Variants in H2BC7 observed in about 807,000 individuals in gnomAD.
H2BC7 encodes the protein histone H2B type 1-C/E/F/G/I.
In H2BC7, 15 loss-of-function variants were observed where a neutral mutation model predicts 6.0. That is an observed-to-expected ratio of 2.48 (90% CI 1.66 to 3.82). H2BC7 has a LOEUF of 3.82. H2BC7 is among the 30% of genes most tolerant of loss of function. The pLI is 0.00. For synonymous variants in H2BC7, 148 were observed against 70.7 expected (o/e 2.09, Z -5.49); for missense variants, 227 against 169.4 (o/e 1.34, Z -1.89).
chr6:26,199,622 G>C lies in H2BC7; in HGVS notation c.64G>C (p.Ala22Pro). 6.2e-7 allele frequency: 1 copy of C among 1,614,248 alleles called. No homozygotes were observed. The highest frequency in any genetic ancestry group is 8.5e-7 in the Non-Finnish European group (1 of 1,180,044). Residue 22 changes from alanine (A) to proline (P), a missense_variant, in exon 1 of 1, where the codon GCG becomes CCG. By Grantham distance (27) the Ala-to-Pro change is conservative. Coordinates refer to ENST00000356530, the MANE Select transcript of H2BC7 (RefSeq NM_003522.4). ...GGGCTCCAAAAAGGCGGTGACCAAGGCGCAGAAGAAGGATGGTAAGAAGCG... is the reference window on the plus strand; with the variant it reads ...GGGCTCCAAAAAGGCGGTGACCAAGCCGCAGAAGAAGGATGGTAAGAAGCG... ...KKGSKKAVTK[A>P]QKKDGKKRKR...
rs755243235 is a variant in H2BC7, at chr6:26,199,932, C to T, written c.374C>T (p.Ser125Phe). 3 of 1,614,204 alleles carry T rather than the reference C, an allele frequency of 1.9e-6. No individual in the cohort carries two copies. Among genetic ancestry groups the T allele is most frequent in the South Asian group, 2.2e-5 (2 of 91,090 alleles). The part of the protein sequence containing the change: ...GTKAVTKYTS[S>F]K ...AAGGCCGTCACCAAGTACACCAGCTCTAAGTAATTCTAACGTCTTCATACC... is the reference window on the plus strand; with the variant it reads ...AAGGCCGTCACCAAGTACACCAGCTTTAAGTAATTCTAACGTCTTCATACC... Residue 125 changes from serine to phenylalanine, a missense_variant, in exon 1 of 1, where the codon TCT becomes TTT. Ser to Phe is a radical substitution (Grantham distance 155). Coordinates refer to ENST00000356530, the MANE Select transcript of H2BC7 (RefSeq NM_003522.4).
chr6:26,199,735 C>A lies in H2BC7; in HGVS notation c.177C>A (p.Ala59=), dbSNP rs201280849. 2.0e-5 allele frequency: 33 copies of A among 1,614,264 alleles called. No homozygotes were observed. In the African/African-American group the frequency reaches 3.9e-4, roughly 19 times the overall value. Residue 59 remains alanine (A), a synonymous_variant, in exon 1 of 1, where the codon GCC becomes GCA. Coordinates refer to ENST00000356530, the MANE Select transcript of H2BC7 (RefSeq NM_003522.4). ...VHPDTGISSK[A]MGIMNSFVND... ...CCGACACCGGCATCTCATCCAAGGC[C>A]ATGGGCATCATGAACTCCTTCGTCA... is the stretch of plus-strand genomic sequence containing the variant.
Position 26,199,780 on chromosome 6 carries a change from C to A in H2BC7, c.222C>A (p.Ile74=). 6.2e-7 allele frequency: 1 copy of A among 1,614,250 alleles called. No individual in the cohort carries two copies. Among genetic ancestry groups the A allele is most frequent in the Non-Finnish European group, 8.5e-7 (1 of 1,180,044 alleles). Residue 74 remains isoleucine (I), a synonymous_variant, in exon 1 of 1, where the codon ATC becomes ATA. Transcript: ENST00000356530. ...NSFVNDIFER[I]AGEASRLAHY... ...TCGTCAACGATATCTTCGAGCGCAT[C>A]GCTGGCGAGGCTTCCCGCCTGGCGC... is the stretch of plus-strand genomic sequence containing the variant.
Position 26,199,794 on chromosome 6 carries a change from C to A in H2BC7, c.236C>A (p.Ser79Tyr). The A allele has an allele frequency of 6.2e-7, 1 of 1,614,254 alleles. No individual in the cohort carries two copies. Among genetic ancestry groups the A allele is most frequent in the Non-Finnish European group, 8.5e-7 (1 of 1,180,044 alleles). Reference protein sequence around the residue: ...DIFERIAGEASRLAHYNKRST... With the variant: ...DIFERIAGEAYRLAHYNKRST... ...TTCGAGCGCATCGCTGGCGAGGCTT[C>A]CCGCCTGGCGCATTACAACAAGCGC... The change falls in exon 1 of 1, where the codon TCC becomes TAC. Residue 79 changes from serine to tyrosine, a missense_variant. Ser to Tyr is a moderately radical substitution (Grantham distance 144, BLOSUM62 -2). Coordinates refer to ENST00000356530, the MANE Select transcript of H2BC7 (RefSeq NM_003522.4).
rs1581452086 is a variant in H2BC7 at position 26,199,714 on chromosome 6, C to T, written c.156C>T (p.Asp52=). 1 of 1,614,268 alleles carries T rather than the reference C, an allele frequency of 6.2e-7. No individual in the cohort carries two copies. The highest frequency in any genetic ancestry group is 8.5e-7 in the Non-Finnish European group (1 of 1,180,048). ...AGGTGCTAAAGCAGGTCCACCCCGA[C>T]ACCGGCATCTCATCCAAGGCCATGG... ...VYKVLKQVHP[D]TGISSKAMGI... Residue 52 remains aspartate, a synonymous_variant, in exon 1 of 1, where the codon GAC becomes GAT. Coordinates refer to ENST00000356530, the MANE Select transcript of H2BC7 (RefSeq NM_003522.4).
In H2BC7 at chr6:26,199,520, G is replaced by T; in HGVS notation, c.-39G>T. 1.3e-6 allele frequency: 2 copies of T among 1,597,548 alleles called. No homozygotes were observed. Among genetic ancestry groups the T allele is most frequent in the Non-Finnish European group, 1.7e-6 (2 of 1,173,948 alleles). Reference sequence around the variant, plus strand: ...TACCAGCTGCAGAGTGAGGACACTTGCATTTCTCTTTAGGTTGTGGACGAA... The same window carrying T: ...TACCAGCTGCAGAGTGAGGACACTTTCATTTCTCTTTAGGTTGTGGACGAA... On this transcript the variant is annotated 5_prime_UTR_variant, in exon 1 of 1. Coordinates refer to ENST00000356530, the MANE Select transcript of H2BC7 (RefSeq NM_003522.4).
Position 26,199,634 on chromosome 6 carries a change from G to A in H2BC7, c.76G>A (p.Asp26Asn), listed in dbSNP as rs771810831. The A allele has an allele frequency of 5.6e-6, 9 of 1,614,132 alleles. No individual in the cohort carries two copies. Among genetic ancestry groups the A allele is most frequent in the Admixed American group, 3.3e-5 (2 of 60,008 alleles). ...KKAVTKAQKK[D>N]GKKRKRSRKE... ...GGCGGTGACCAAGGCGCAGAAGAAG[G>A]ATGGTAAGAAGCGCAAGCGTAGCCG... Residue 26 changes from aspartate to asparagine, a missense_variant, in exon 1 of 1, where the codon GAT (aspartate) becomes AAT (asparagine). Physicochemically the swap from Asp to Asn is conservative, Grantham distance 23 (BLOSUM62 1). Coordinates refer to ENST00000356530, the MANE Select transcript of H2BC7 (RefSeq NM_003522.4).
At position 26,199,595 on chromosome 6, in the gene H2BC7, A is replaced by C. The variant is rs779742986; in HGVS notation, c.37A>C (p.Lys13Gln). 2.5e-6 allele frequency: 4 copies of C among 1,614,176 alleles called. No homozygotes were observed. The highest frequency in any genetic ancestry group is 1.1e-5 in the South Asian group (1 of 91,090). ...EPAKSAPAPK[K>Q]GSKKAVTKAQ... Reference sequence around the variant, plus strand: ...TGCTAAGTCCGCTCCTGCTCCAAAAAAGGGCTCCAAAAAGGCGGTGACCAA... The same window carrying C: ...TGCTAAGTCCGCTCCTGCTCCAAAACAGGGCTCCAAAAAGGCGGTGACCAA... Residue 13 changes from lysine (K) to glutamine (Q), a missense_variant, in exon 1 of 1, where the codon AAG becomes CAG. Lys to Gln is a moderately conservative substitution (Grantham distance 53). Transcript: ENST00000356530.
In H2BC7 at chr6:26,199,745, A is replaced by T; in HGVS notation, c.187A>T (p.Met63Leu). The part of the protein sequence containing the change: ...TGISSKAMGI[M>L]NSFVNDIFER... Reference sequence around the variant, plus strand: ...CATCTCATCCAAGGCCATGGGCATCATGAACTCCTTCGTCAACGATATCTT... The same window carrying T: ...CATCTCATCCAAGGCCATGGGCATCTTGAACTCCTTCGTCAACGATATCTT... The change falls in exon 1 of 1, where the codon ATG becomes TTG. Residue 63 changes from methionine (M) to leucine (L), a missense_variant. Coordinates refer to ENST00000356530, the MANE Select transcript of H2BC7 (RefSeq NM_003522.4). The T allele has an allele frequency of 6.2e-7, 1 of 1,614,250 alleles. No homozygotes were observed. The highest frequency in any genetic ancestry group is 8.5e-7 in the Non-Finnish European group (1 of 1,180,038).
Position 26,199,917 on chromosome 6 carries a change from C to G in H2BC7, c.359C>G (p.Thr120Ser). The change falls in exon 1 of 1, where the codon ACC becomes AGC. Residue 120 changes from threonine to serine, a missense_variant. Transcript: ENST00000356530. ...GTGTCAGAGGGCACCAAGGCCGTCA[C>G]CAAGTACACCAGCTCTAAGTAATTC... ...HAVSEGTKAV[T>S]KYTSSK 3 of 1,614,208 alleles carry G rather than the reference C, an allele frequency of 1.9e-6. No homozygotes were observed. Among genetic ancestry groups the G allele is most frequent in the Admixed American group, 1.7e-5 (1 of 60,018 alleles).
Position 26,199,684 on chromosome 6 carries a change from G to C in H2BC7, c.126G>C (p.Val42=), listed in dbSNP as rs576787074. 4 of 1,614,264 alleles carry C rather than the reference G, an allele frequency of 2.5e-6. No individual in the cohort carries two copies. The highest frequency in any genetic ancestry group is 3.4e-6 in the Non-Finnish European group (4 of 1,180,054). ...RSRKESYSVY[V]YKVLKQVHPD... ...GCAAGGAGAGCTATTCCGTGTACGT[G>C]TACAAGGTGCTAAAGCAGGTCCACC... is the stretch of plus-strand genomic sequence containing the variant. The change falls in exon 1 of 1, where the codon GTG becomes GTC. Residue 42 remains valine (V), a synonymous_variant. Transcript: ENST00000356530.
chr6:26,199,692 T>C lies in H2BC7; in HGVS notation c.134T>C (p.Val45Ala). Residue 45 changes from valine (V) to alanine (A), a missense_variant, in exon 1 of 1, where the codon GTG (valine) becomes GCG (alanine). Physicochemically the swap from Val to Ala is moderately conservative, Grantham distance 64. Coordinates refer to ENST00000356530, the MANE Select transcript of H2BC7 (RefSeq NM_003522.4). ...AGCTATTCCGTGTACGTGTACAAGG[T>C]GCTAAAGCAGGTCCACCCCGACACC... ...KESYSVYVYKVLKQVHPDTGI... is the reference protein window; with the variant it reads ...KESYSVYVYKALKQVHPDTGI... 2 of 1,614,202 alleles carry C rather than the reference T, an allele frequency of 1.2e-6. No individual in the cohort carries two copies. Among genetic ancestry groups the C allele is most frequent in the East Asian group, 2.2e-5 (1 of 44,876 alleles).
rs746638755 is a variant in H2BC7 at position 26,199,546 on chromosome 6, G to C, written c.-13G>C. The C allele has an allele frequency of 6.2e-6, 10 of 1,609,678 alleles. No homozygotes were observed. The Admixed American group carries it at 1.0e-4, about 17-fold the overall frequency. Reference sequence around the variant, plus strand: ...CATTTCTCTTTAGGTTGTGGACGAAGTGTTTATTTATCATGCCTGAACCTG... The same window carrying C: ...CATTTCTCTTTAGGTTGTGGACGAACTGTTTATTTATCATGCCTGAACCTG... On this transcript the variant is annotated 5_prime_UTR_variant, in exon 1 of 1. Transcript: ENST00000356530.
chr6:26,199,931 T>C lies in H2BC7; in HGVS notation c.373T>C (p.Ser125Pro). Residue 125 changes from serine to proline, a missense_variant, in exon 1 of 1, where the codon TCT becomes CCT. Coordinates refer to ENST00000356530, the MANE Select transcript of H2BC7 (RefSeq NM_003522.4). ...CAAGGCCGTCACCAAGTACACCAGC[T>C]CTAAGTAATTCTAACGTCTTCATAC... ...GTKAVTKYTSSK is the reference protein window; with the variant it reads ...GTKAVTKYTSPK The C allele has an allele frequency of 1.1e-5, 17 of 1,614,180 alleles. No individual in the cohort carries two copies. Among genetic ancestry groups the C allele is most frequent in the Non-Finnish European group, 1.4e-5 (16 of 1,180,034 alleles).
rs771963938 is a variant in H2BC7 at position 26,199,517 on chromosome 6, C to G, written c.-42C>G. The G allele has an allele frequency of 2.5e-6, 4 of 1,596,418 alleles. No individual in the cohort carries two copies. In the South Asian group the frequency reaches 4.5e-5, roughly 18 times the overall value. ...TATTACCAGCTGCAGAGTGAGGACA[C>G]TTGCATTTCTCTTTAGGTTGTGGAC... On this transcript the variant is annotated 5_prime_UTR_variant, in exon 1 of 1. Transcript: ENST00000356530.
Position 26,199,869 on chromosome 6 carries a change from C to G in H2BC7, c.311C>G (p.Pro104Arg). Residue 104 changes from proline (P) to arginine (R), a missense_variant, in exon 1 of 1, where the codon CCC becomes CGC. Pro to Arg is a moderately radical substitution (Grantham distance 103). Transcript: ENST00000356530. ...CAGACGGCCGTACGCCTGCTGCTGCCCGGGGAGCTGGCTAAGCACGCCGTG... is the reference window on the plus strand; with the variant it reads ...CAGACGGCCGTACGCCTGCTGCTGCGCGGGGAGCTGGCTAAGCACGCCGTG... ...EIQTAVRLLL[P>R]GELAKHAVSE... 1 of 1,614,232 alleles carries G rather than the reference C, an allele frequency of 6.2e-7. No homozygotes were observed. The highest frequency in any genetic ancestry group is 1.1e-5 in the South Asian group (1 of 91,088).
chr6:26,199,665 A>G lies in H2BC7; in HGVS notation c.107A>G (p.Glu36Gly), dbSNP rs754393662. The G allele has an allele frequency of 6.2e-7, 1 of 1,614,270 alleles. No individual in the cohort carries two copies. Among genetic ancestry groups the G allele is most frequent in the Non-Finnish European group, 8.5e-7 (1 of 1,180,044 alleles). Residue 36 changes from glutamate (E) to glycine (G), a missense_variant, in exon 1 of 1, where the codon GAG becomes GGG. Coordinates refer to ENST00000356530, the MANE Select transcript of H2BC7 (RefSeq NM_003522.4). ...AAGAAGCGCAAGCGTAGCCGCAAGG[A>G]GAGCTATTCCGTGTACGTGTACAAG... ...DGKKRKRSRK[E>G]SYSVYVYKVL...
Position 26,199,618 on chromosome 6 carries a change from C to T in H2BC7, c.60C>T (p.Thr20=), listed in dbSNP as rs185516409. ...APKKGSKKAV[T]KAQKKDGKKR... ...AAAAGGGCTCCAAAAAGGCGGTGAC[C>T]AAGGCGCAGAAGAAGGATGGTAAGA... Residue 20 remains threonine, a synonymous_variant, in exon 1 of 1, where the codon ACC becomes ACT. Transcript: ENST00000356530. 5.0e-6 allele frequency: 8 copies of T among 1,614,196 alleles called. No individual in the cohort carries two copies. Among genetic ancestry groups the T allele is most frequent in the Non-Finnish European group, 6.8e-6 (8 of 1,180,042 alleles).
Position 26,199,531 on chromosome 6 carries a change from T to C in H2BC7, c.-28T>C, listed in dbSNP as rs1468138865. On this transcript the variant is annotated 5_prime_UTR_variant, in exon 1 of 1. Coordinates refer to ENST00000356530, the MANE Select transcript of H2BC7 (RefSeq NM_003522.4). ...GAGTGAGGACACTTGCATTTCTCTTTAGGTTGTGGACGAAGTGTTTATTTA... is the reference window on the plus strand; with the variant it reads ...GAGTGAGGACACTTGCATTTCTCTTCAGGTTGTGGACGAAGTGTTTATTTA... 1 of 1,605,018 alleles carries C rather than the reference T, an allele frequency of 6.2e-7. No homozygotes were observed. Among genetic ancestry groups the C allele is most frequent in the Non-Finnish European group, 8.5e-7 (1 of 1,177,086 alleles).
Sources: allele counts gnomAD v4.1 joint callset, GRCh38; gene constraint gnomAD v4.1.1; transcripts MANE v1.5; gene names NCBI Gene and HGNC (gene_info 2026-07-23, HGNC 2026-07-21).